The following CCDC178 variants were observed in gnomAD, a reference collection of about 807,000 sequenced individuals.
The protein encoded by CCDC178 is coiled-coil domain-containing protein 178.
A neutral mutation model predicts 117.4 loss-of-function variants in CCDC178; 126 were observed. The ratio of observed to expected loss-of-function variants is 1.07; its 90% confidence interval spans 0.93 to 1.24. The LOEUF is 1.24. CCDC178 is among the 50% of genes most tolerant of loss of function. The pLI is 0.00. For missense variants in CCDC178, 1,030 were observed against 986.9 expected, an observed-to-expected ratio of 1.04 and a Z score of -0.59; for synonymous variants, 283 against 313.4, an observed-to-expected ratio of 0.90 and a Z score of 1.02.
chr18:33,285,947 C>T (rs1486078030), intron 12 of CCDC178, among the ~76,000 whole-genome samples: 1 of 150,238 alleles, frequency 6.7e-6, no homozygotes, highest in East Asian at 2.0e-4. Flanking sequence ...GTGTTGAAAT[C>T]CTATTATTTA....
chr18:33,093,292 T>C (rs2057495133), intron 20 of CCDC178, among the ~76,000 whole-genome samples: 2 of 152,040 alleles, frequency 1.3e-5, no homozygotes, highest in Non-Finnish European at 2.9e-5. Flanking sequence ...TCTTATACTT[T>C]TCTCTAGCCC....
intron 22 of CCDC178, among the ~76,000 whole-genome samples, chr18:32,966,740 T>C (rs978882008): frequency 3.3e-5 from 5 of 151,844 alleles, no homozygotes; most frequent in Admixed American, 1.3e-4. Context: ...TTTTTATTTA[T>C]GGATTTTTAA....
At chr18:33,339,684 T>C (rs1353704728) in intron 9 of CCDC178, among the ~76,000 whole-genome samples, 6 of 151,922 alleles carry the variant, frequency 3.9e-5, no homozygotes, top group African/African-American at 1.5e-4. Flanking sequence ...GGGGGGTGTC[T>C]TTCCCATGCT....
intron 11 of CCDC178, among the ~76,000 whole-genome samples, chr18:33,296,281 G>A (rs1008248722): frequency 6.6e-6 from 1 of 152,014 alleles, no homozygotes; most frequent in African/African-American, 2.4e-5. Context: ...GACAGAGAAA[G>A]GACAGTGGAT....
At chr18:33,137,436 T>C (rs577849315) in intron 20 of CCDC178, among the ~76,000 whole-genome samples, 3 of 152,334 alleles carry the variant, frequency 2.0e-5, no homozygotes, top group African/African-American at 7.2e-5. Context: ...TTAGCAATTG[T>C]GTATTTACAC....
intron 20 of CCDC178, among the ~76,000 whole-genome samples, chr18:33,202,122 C>T (rs1462480112): frequency 6.6e-6 from 1 of 151,880 alleles, no homozygotes; most frequent in Non-Finnish European, 1.5e-5. Context: ...TGGCCGGGCG[C>T]GGTGGTTCAC....
At chr18:33,075,718 TA>T (rs1432072557) in intron 21 of CCDC178, among the ~76,000 whole-genome samples, 4 of 152,054 alleles carry the variant, frequency 2.6e-5, no homozygotes, top group African/African-American at 9.7e-5. Context: ...CCTGTAATCC[TA>T]GCACTTTGGG....
At chr18:33,120,744 A>G (rs983758539) in intron 20 of CCDC178, among the ~76,000 whole-genome samples, 8 of 152,180 alleles carry the variant, frequency 5.3e-5, no homozygotes, top group Admixed American at 1.3e-4. Context: ...ATATGTTTAT[A>G]CATACAATAA....
chr18:33,337,739 G>A (rs759081856), intron 9 of CCDC178, among the ~76,000 whole-genome samples: 3 of 152,034 alleles, frequency 2.0e-5, no homozygotes, highest in Admixed American at 6.6e-5. Flanking sequence ...CTCATCTCTT[G>A]CCTTATACAA....
At position 33,387,357 on chromosome 18, in the gene CCDC178, T is replaced by C. The variant is rs191219016; in HGVS notation, c.208+2183A>G. Among the ~76,000 whole-genome samples, 268 of 152,250 alleles carry C rather than the reference T, an allele frequency of 1.8e-3. 2 individuals carry two copies. The highest frequency in any genetic ancestry group is 3.0e-3 in the Admixed American group (46 of 15,282). ...TTCATCACAGAATTAGAAAAAACTA[T>C]TTTAAAATTCATACAGAACCAAAAA... is the stretch of plus-strand genomic sequence containing the variant. On this transcript the variant is annotated intron_variant, in intron 5 of 22. Transcript: ENST00000383096.
At chr18:33,364,877 G>T (rs960653862) in intron 6 of CCDC178, among the ~76,000 whole-genome samples, 1 of 151,644 alleles carries the variant, frequency 6.6e-6, no homozygotes, top group African/African-American at 2.4e-5. Flanking sequence ...ACTATACAAT[G>T]TACAACTGAG....
intron 15 of CCDC178, among the ~76,000 whole-genome samples, chr18:33,229,842 A>T (rs575454669): frequency 8.5e-5 from 13 of 152,296 alleles, no homozygotes; most frequent in African/African-American, 3.1e-4. Context: ...AAAGGGTTCC[A>T]ATTAGCTAGT....
intron 4 of CCDC178, among the ~76,000 whole-genome samples, chr18:33,395,568 A>G (rs1209748402): frequency 2.0e-5 from 3 of 152,088 alleles, no homozygotes; most frequent in African/African-American, 7.2e-5. Flanking sequence ...GCTATTCATC[A>G]CTTAAATTTG....
chr18:33,376,208 T>C (rs962643433), intron 5 of CCDC178, among the ~76,000 whole-genome samples: 2 of 152,044 alleles, frequency 1.3e-5, no homozygotes, highest in African/African-American at 4.8e-5. Context: ...GTTATTACTT[T>C]AGATAAACAG....
intron 6 of CCDC178, among the ~76,000 whole-genome samples, chr18:33,366,551 G>A (rs910361475): frequency 1.3e-5 from 2 of 151,998 alleles, no homozygotes; most frequent in African/African-American, 2.4e-5. Flanking sequence ...AATTCATGAT[G>A]GAGATGTATA....
intron 10 of CCDC178, among the ~76,000 whole-genome samples, chr18:33,328,938 G>A (rs1472646359): frequency 2.0e-5 from 3 of 152,062 alleles, no homozygotes; most frequent in African/African-American, 7.2e-5. Context: ...ATGAATACAG[G>A]ATGTCTTTCA....
intron 12 of CCDC178, among the ~76,000 whole-genome samples, chr18:33,276,609 A>G (rs1218694039): frequency 6.6e-6 from 1 of 152,164 alleles, no homozygotes; most frequent in Non-Finnish European, 1.5e-5. Context: ...GGCTAAGGGT[A>G]GAATCAACTT....
intron 21 of CCDC178, among the ~76,000 whole-genome samples, chr18:33,021,253 C>CT (rs1211141161): frequency 6.6e-6 from 1 of 152,202 alleles, no homozygotes; most frequent in Non-Finnish European, 1.5e-5. Context: ...GCAGATGGAT[C>CT]TTTTTACATG....
At position 33,310,255 on chromosome 18, in the gene CCDC178, C is replaced by A. The variant is rs2062321185; in HGVS notation, c.1022+13236G>T. On this transcript the variant is annotated intron_variant, in intron 11 of 22. Transcript: ENST00000383096. ...ATTACAGGTGTGCACCACGCCTGGA[C>A]AATGACTGGTTATTCTAAAAGAGAT... Among the ~76,000 whole-genome samples, 3 of 152,046 alleles carry A rather than the reference C, an allele frequency of 2.0e-5. No individual in the cohort carries two copies. The South Asian group carries it at 6.2e-4, about 32-fold the overall frequency.
Sources: gnomAD v4.1 joint callset for allele counts (sites outside exome capture counted in the v4.1 genomes callset) on GRCh38, gnomAD v4.1.1 for gene constraint, MANE v1.5 for transcripts, NCBI Gene and HGNC (gene_info 2026-07-23, HGNC 2026-07-21) for gene names.